Variants in FAF1 observed in about 807,000 individuals in gnomAD.
The protein encoded by FAF1 is Fas associated factor 1, also known as FAS-associated factor 1.
FAF1 carries 25 observed loss-of-function variants against 92.5 expected under a neutral mutation model. The observed-to-expected ratio is 0.27, with a 90% CI of 0.20 to 0.38. FAF1 has a LOEUF of 0.38. Among genes scored for constraint, FAF1 ranks in the 10% least tolerant of loss-of-function variants. FAF1 has a pLI of 1.00. For synonymous variants in FAF1, 234 were observed against 273.2 expected (o/e 0.86, Z 1.42); for missense variants, 636 against 793.3 (o/e 0.80, Z 2.38).
intron 2 of FAF1, among the ~76,000 whole-genome samples, chr1:50,834,159 C>T (rs1027491667): frequency 1.3e-5 from 2 of 152,192 alleles, no homozygotes; most frequent in Non-Finnish European, 2.9e-5. Flanking sequence ...TTCCTCCTGG[C>T]GCCAGCCATG....
intron 8 of FAF1, among the ~76,000 whole-genome samples, chr1:50,626,230 C>CT (rs1184202901): frequency 2.0e-5 from 3 of 152,106 alleles, no homozygotes; most frequent in Admixed American, 2.0e-4. Context: ...GAATTGGAAA[C>CT]TGAGTTTTAG....
intron 7 of FAF1, among the ~76,000 whole-genome samples, chr1:50,691,924 A>C (rs1656947781): frequency 1.3e-5 from 2 of 152,208 alleles, no homozygotes; most frequent in Non-Finnish European, 1.5e-5. Flanking sequence ...AATTAAGCTA[A>C]TTAACATATC....
intron 15 of FAF1, among the ~76,000 whole-genome samples, chr1:50,518,600 C>G (rs1406830931): frequency 6.6e-6 from 1 of 152,062 alleles, no homozygotes; most frequent in Admixed American, 6.5e-5. Context: ...CCCACCACGT[C>G]TGGCTAATTT....
intron 7 of FAF1, among the ~76,000 whole-genome samples, chr1:50,661,088 C>G (rs1655352540): frequency 6.6e-6 from 1 of 151,872 alleles, no homozygotes; most frequent in Non-Finnish European, 1.5e-5. Flanking sequence ...AGAAAAATGG[C>G]AAATAATTTC....
chr1:50,869,103 A>C (rs1644506300), intron 1 of FAF1, among the ~76,000 whole-genome samples: 1 of 152,130 alleles, frequency 6.6e-6, no homozygotes, highest in Non-Finnish European at 1.5e-5. Context: ...TTCTTGAAAA[A>C]TTGATTCTCC....
chr1:50,600,555 T>A (rs1479712538), intron 8 of FAF1, among the ~76,000 whole-genome samples: 1 of 152,148 alleles, frequency 6.6e-6, no homozygotes, highest in Non-Finnish European at 1.5e-5. Context: ...AAAATAAGAC[T>A]AACCTTTAGG....
chr1:50,946,285 A>G (rs1276680324), intron 1 of FAF1, among the ~76,000 whole-genome samples: 2 of 152,206 alleles, frequency 1.3e-5, no homozygotes, highest in African/African-American at 4.8e-5. Context: ...GGAGGATTTG[A>G]GGGTGACCTC....
chr1:50,451,860 G>A, intron 18 of FAF1: 2 of 1,033,396 alleles, frequency 1.9e-6, no homozygotes, highest in Non-Finnish European at 2.3e-6. Flanking sequence ...TAGATGGACT[G>A]TTTAGTGAAG....
rs1490016798 is a variant in FAF1 at position 50,864,119 on chromosome 1, G to A, written c.46-6122C>T. 1.5e-4 allele frequency among the ~76,000 whole-genome samples: 23 copies of A among 150,690 alleles called. No individual in the cohort carries two copies. The South Asian group carries it at 1.7e-3, about 11-fold the overall frequency. Reference sequence around the variant, plus strand: ...TTTCTTCTTTATTAGTCTTGCTAGCGGTCTATCAATTTTGTTGATCCTTTC... The same window carrying A: ...TTTCTTCTTTATTAGTCTTGCTAGCAGTCTATCAATTTTGTTGATCCTTTC... On this transcript the variant is annotated intron_variant, in intron 1 of 18. Transcript: ENST00000396153.
At chr1:50,665,923 T>A (rs1351580893) in intron 7 of FAF1, among the ~76,000 whole-genome samples, 5 of 152,056 alleles carry the variant, frequency 3.3e-5, no homozygotes, top group Non-Finnish European at 7.4e-5. Context: ...ACACCTGTAA[T>A]CCCAATATTT....
intron 4 of FAF1, among the ~76,000 whole-genome samples, chr1:50,785,774 A>C (rs945276837): frequency 6.6e-6 from 1 of 152,210 alleles, no homozygotes; most frequent in African/African-American, 2.4e-5. Context: ...CATCTAATCC[A>C]GCAATCCCAC....
intron 1 of FAF1, among the ~76,000 whole-genome samples, chr1:50,905,836 C>A (rs1391932586): frequency 1.3e-5 from 2 of 152,176 alleles, no homozygotes; most frequent in Non-Finnish European, 2.9e-5. Flanking sequence ...GTTGCCTGTT[C>A]ACTCTGATGG....
intron 4 of FAF1, among the ~76,000 whole-genome samples, chr1:50,774,280 A>G (rs1375285220): frequency 1.3e-5 from 2 of 152,206 alleles, no homozygotes; most frequent in Non-Finnish European, 2.9e-5. Flanking sequence ...ACATGTACTA[A>G]TAACAGAAGA....
chr1:50,481,706 TG>T (rs1388528182), intron 17 of FAF1, among the ~76,000 whole-genome samples: 1 of 151,568 alleles, frequency 6.6e-6, no homozygotes, highest in East Asian at 1.9e-4. Context: ...TGGTAGAAGG[TG>T]GGGGGAGGGG....
intron 2 of FAF1, among the ~76,000 whole-genome samples, chr1:50,807,178 T>C (rs374336408): frequency 1.9e-4 from 29 of 152,290 alleles, no homozygotes; most frequent in African/African-American, 6.3e-4. Context: ...AAAAGACAAA[T>C]GGCAATTGTA....
At chr1:50,914,802 A>T (rs1644908538) in intron 1 of FAF1, among the ~76,000 whole-genome samples, 1 of 152,150 alleles carries the variant, frequency 6.6e-6, no homozygotes, top group Non-Finnish European at 1.5e-5. Flanking sequence ...TGGTCATCCT[A>T]GACCTCCCCT....
At chr1:50,780,023 G>C (rs1453855813) in intron 4 of FAF1, among the ~76,000 whole-genome samples, 2 of 134,594 alleles carry the variant, frequency 1.5e-5, no homozygotes, top group East Asian at 2.3e-4. Context: ...CACACACACA[G>C]AGGAAGTAAA....
At chr1:50,531,164 T>G (rs1648144931) in intron 15 of FAF1, among the ~76,000 whole-genome samples, 1 of 152,178 alleles carries the variant, frequency 6.6e-6, no homozygotes, top group African/African-American at 2.4e-5. Flanking sequence ...TTCTTAGAAT[T>G]CCTAGAGATG....
chr1:50,524,367 C>T (rs188179729), intron 15 of FAF1, among the ~76,000 whole-genome samples: 35 of 152,280 alleles, frequency 2.3e-4, no homozygotes, highest in Admixed American at 2.1e-3. Context: ...GTGTTTTGCT[C>T]TGCAGAAGGT....
Sources: allele counts gnomAD v4.1 joint callset (sites outside exome capture counted in the v4.1 genomes callset), GRCh38; gene constraint gnomAD v4.1.1; transcripts MANE v1.5; gene names NCBI Gene and HGNC (gene_info 2026-07-23, HGNC 2026-07-21).